LMO1: variants seen among roughly 807,000 people sequenced by gnomAD.
LMO1 encodes LIM domain only 1, also known as rhombotin-1.
A neutral mutation model predicts 18.0 loss-of-function variants in LMO1; 10 were observed. That is an observed-to-expected ratio of 0.55 (90% CI 0.34 to 0.94). LMO1 has a LOEUF of 0.94. Among genes scored for constraint, LMO1 ranks in the 40% least tolerant of loss-of-function variants. The probability of loss-of-function intolerance (pLI) is 0.02; values close to 1 mark genes in which losing one functional copy is unlikely to be tolerated. For missense variants in LMO1, 183 were observed against 205.7 expected (o/e 0.89, Z 0.68); for synonymous variants, 77 against 77.9 (o/e 0.99, Z 0.06).
At position 8,224,534 on chromosome 11, in the gene LMO1, T is replaced by A; in HGVS notation, c.*82A>T. The A allele has an allele frequency of 1.2e-6, 1 of 801,944 alleles. No individual in the cohort carries two copies. The highest frequency in any genetic ancestry group is 2.1e-6 in the Non-Finnish European group (1 of 482,028). The allele number at this position is 801,944 out of a possible 1,614,324, so 49.7% of individuals were successfully genotyped here. On this transcript the variant is annotated 3_prime_UTR_variant, in exon 4 of 4. Coordinates refer to ENST00000335790, the MANE Select transcript of LMO1 (RefSeq NM_002315.3). ...AGGAGAGCGGCTGGCCAGCCTGCAC[T>A]GGTAGAGTGGCTGGCTGGCCGGCCA...
At chr11:8,251,149 G>A (rs1590553875) in intron 1 of LMO1, among the ~76,000 whole-genome samples, 1 of 152,164 alleles carries the variant, frequency 6.6e-6, no homozygotes, top group African/African-American at 2.4e-5. Flanking sequence ...CAACAGTCAT[G>A]TCTCCATATA....
Position 8,226,976 on chromosome 11 carries a change from T to C in LMO1, c.364A>G (p.Arg122Gly). 1 of 1,612,804 alleles carries C rather than the reference T, an allele frequency of 6.2e-7. No individual in the cohort carries two copies. Among genetic ancestry groups the C allele is most frequent in the South Asian group, 1.1e-5 (1 of 90,932 alleles). ...DCFACQLCNQ[R>G]FCVGDKFFLK... Reference sequence around the variant, plus strand: ...TGGGTCGGCCAGTCCAGCACTGACCTCTGGTTGCAGAGCTGGCAGGCGAAG... The same window carrying C: ...TGGGTCGGCCAGTCCAGCACTGACCCCTGGTTGCAGAGCTGGCAGGCGAAG... The change falls in exon 3 of 4, where the codon AGA (arginine) becomes GGA (glycine). Residue 122 changes from arginine (R) to glycine (G), a missense_variant and splice_region_variant. By Grantham distance (125) the Arg-to-Gly change is moderately radical. Transcript: ENST00000335790.
intron 2 of LMO1, among the ~76,000 whole-genome samples, chr11:8,229,179 C>T (rs1952605408): frequency 6.6e-6 from 1 of 152,172 alleles, no homozygotes; most frequent in Non-Finnish European, 1.5e-5. Context: ...TAAGCCACCG[C>T]GCCTAGCCTG....
chr11:8,242,808 G>T (rs550519569), intron 1 of LMO1, among the ~76,000 whole-genome samples: 2 of 152,374 alleles, frequency 1.3e-5, no homozygotes, highest in East Asian at 3.9e-4. Context: ...CAGCATCAGG[G>T]ACGTGAGCAC....
chr11:8,262,692 C>G (rs998039943), intron 1 of LMO1, among the ~76,000 whole-genome samples: 2 of 152,370 alleles, frequency 1.3e-5, no homozygotes, highest in African/African-American at 4.8e-5. Flanking sequence ...GGGCCAAACT[C>G]CCGCCTCCGC....
chr11:8,260,334 G>A (rs1039898606), intron 1 of LMO1, among the ~76,000 whole-genome samples: 17 of 152,178 alleles, frequency 1.1e-4, no homozygotes, highest in African/African-American at 3.9e-4. Flanking sequence ...CTGTTTCTCC[G>A]GGAAAGTTGG....
At chr11:8,235,047 T>G (rs1194136887) in intron 1 of LMO1, among the ~76,000 whole-genome samples, 1 of 152,174 alleles carries the variant, frequency 6.6e-6, no homozygotes, top group East Asian at 1.9e-4. Flanking sequence ...GCTCAGAATG[T>G]GGTGAGGATA....
rs116783341 is a variant in LMO1, at chr11:8,241,397, C to A, written c.26-10893G>T. ...CAGCTGGAGAGATCTTCCAGATGAA[C>A]CAGGGCAGGTCACTGCTCAACTTGA... On this transcript the variant is annotated intron_variant, in intron 1 of 3. Transcript: ENST00000335790. 9.6e-3 allele frequency among the ~76,000 whole-genome samples: 1,459 copies of A among 152,324 alleles called. 26 individuals are homozygous for A. The highest frequency in any genetic ancestry group is 0.033 in the African/African-American group (1,358 of 41,570).
intron 1 of LMO1, among the ~76,000 whole-genome samples, chr11:8,237,280 A>C (rs1049239344): frequency 6.6e-6 from 1 of 152,170 alleles, no homozygotes; most frequent in Non-Finnish European, 1.5e-5. Flanking sequence ...CAAGCCTACC[A>C]GCAGCCCCTC....
At chr11:8,252,598 T>C (rs947842757) in intron 1 of LMO1, among the ~76,000 whole-genome samples, 1 of 152,254 alleles carries the variant, frequency 6.6e-6, no homozygotes, top group South Asian at 2.1e-4. Context: ...AAGCAGACAC[T>C]GTCTTTCAAT....
intron 1 of LMO1, among the ~76,000 whole-genome samples, chr11:8,251,799 C>T (rs528591384): frequency 4.2e-4 from 60 of 142,750 alleles, no homozygotes; most frequent in Non-Finnish European, 6.7e-4. Context: ...GTGTGGAGTG[C>T]GTGTGTGAGT....
chr11:8,227,108 G>T lies in LMO1; in HGVS notation c.240-8C>A. On this transcript the variant is annotated splice_polypyrimidine_tract_variant and splice_region_variant and intron_variant, in intron 2 of 3. Transcript: ENST00000335790. ...CCTGTGGTGCCAAAGAGCCTGCCGA[G>T]GGAAGGGCGCAGAGGACTCAGCAGC... 1 of 1,611,974 alleles carries T rather than the reference G, an allele frequency of 6.2e-7. No individual in the cohort carries two copies.
At chr11:8,224,794 C>A (rs1278078150) in intron 3 of LMO1, 73 bp from the exon 4 acceptor site, 54 of 975,342 alleles carry the variant, frequency 5.5e-5, no homozygotes, top group Non-Finnish European at 8.3e-5. Context: ...CAGACAGAAG[C>A]CGGCCTGGCC....
chr11:8,262,650 T>C (rs1049592923), intron 1 of LMO1, among the ~76,000 whole-genome samples: 3 of 152,178 alleles, frequency 2.0e-5, no homozygotes, highest in African/African-American at 7.2e-5. Context: ...GCACAAGTGC[T>C]ACCGGCCGGC....
At chr11:8,254,882 G>T (rs1847063659) in intron 1 of LMO1, among the ~76,000 whole-genome samples, 1 of 152,212 alleles carries the variant, frequency 6.6e-6, no homozygotes, top group Non-Finnish European at 1.5e-5. Context: ...AGCTGTGGGA[G>T]CTGGAACCAA....
At chr11:8,262,022 C>T (rs902825970) in intron 1 of LMO1, among the ~76,000 whole-genome samples, 1 of 152,160 alleles carries the variant, frequency 6.6e-6, no homozygotes, top group African/African-American at 2.4e-5. Context: ...TCTCAGAAGG[C>T]GGTAGCAGCC....
rs11041828 is a variant in LMO1, at chr11:8,253,747, C to A, written c.25+9591G>T. 1.2e-4 allele frequency among the ~76,000 whole-genome samples: 18 copies of A among 151,966 alleles called. No individual in the cohort carries two copies. The South Asian group carries it at 3.8e-3, about 32-fold the overall frequency. On this transcript the variant is annotated intron_variant, in intron 1 of 3. Coordinates refer to ENST00000335790, the MANE Select transcript of LMO1 (RefSeq NM_002315.3). The stretch of plus-strand genomic sequence containing the variant: ...CTCCCTCCTGCTCTCTATCAAGTCA[C>A]CGTGCCAACCAGCAAAGTTGAATTA...
chr11:8,236,545 T>C (rs894046752), intron 1 of LMO1, among the ~76,000 whole-genome samples: 1 of 152,022 alleles, frequency 6.6e-6, no homozygotes, highest in African/African-American at 2.4e-5. Context: ...ACTGGACTCA[T>C]GTGCTGTGCT....
chr11:8,238,670 CAAAA>C (rs11375128), intron 1 of LMO1, among the ~76,000 whole-genome samples: 1 of 60,882 alleles, frequency 1.6e-5, no homozygotes. Flanking sequence ...GACTCCATCT[CAAAA>C]AAAAAAAAAA....
Sources: allele counts gnomAD v4.1 joint callset (sites outside exome capture counted in the v4.1 genomes callset), GRCh38; gene constraint gnomAD v4.1.1; transcripts MANE v1.5; gene names NCBI Gene and HGNC (gene_info 2026-07-23, HGNC 2026-07-21).